Variants in PRIM2 observed in about 807,000 individuals in gnomAD.
The protein encoded by PRIM2 is DNA primase large subunit.
Under a neutral mutation model 67.3 loss-of-function variants are expected in PRIM2, and 39 were observed. The ratio of observed to expected loss-of-function variants is 0.58; its 90% CI spans 0.45 to 0.76. The LOEUF is 0.76. PRIM2 is among the 30% of genes least tolerant of loss of function. PRIM2 has a pLI of 0.00. For synonymous variants in PRIM2, 143 were observed against 198.7 expected, an observed-to-expected ratio of 0.72 and a Z score of 2.36; for missense variants, 398 against 598.7, an observed-to-expected ratio of 0.66 and a Z score of 3.50.
intron 7 of PRIM2, among the ~76,000 whole-genome samples, chr6:57,465,440 G>C (rs1472482818): frequency 1.3e-5 from 2 of 152,152 alleles, no homozygotes; most frequent in Non-Finnish European, 2.9e-5. Context: ...CCAGGGCCCA[G>C]AGTTAGTGGT....
At chr6:57,398,147 G>C (rs1479475920) in intron 7 of PRIM2, among the ~76,000 whole-genome samples, 1 of 151,506 alleles carries the variant, frequency 6.6e-6, no homozygotes, top group Non-Finnish European at 1.5e-5. Flanking sequence ...TTTAGTAGAG[G>C]TGGGGTTTCA....
chr6:57,333,502 T>C (rs1768125159), intron 5 of PRIM2, among the ~76,000 whole-genome samples: 1 of 152,194 alleles, frequency 6.6e-6, no homozygotes, highest in Non-Finnish European at 1.5e-5. Flanking sequence ...TTTTCACTTT[T>C]TTGGGTTGGG....
intron 5 of PRIM2, among the ~76,000 whole-genome samples, chr6:57,353,019 T>C (rs1322855943): frequency 6.6e-6 from 1 of 152,036 alleles, no homozygotes; most frequent in Non-Finnish European, 1.5e-5. Flanking sequence ...TCTATTGATA[T>C]TTTAAAGGTA....
At chr6:57,377,022 G>A (rs62418042) in intron 5 of PRIM2, among the ~76,000 whole-genome samples, 4 of 151,388 alleles carry the variant, frequency 2.6e-5, no homozygotes, top group Non-Finnish European at 4.4e-5. Flanking sequence ...GATTACAGGC[G>A]TGCACCACCA....
intron 7 of PRIM2, among the ~76,000 whole-genome samples, chr6:57,386,546 C>T (rs1770160585): frequency 6.6e-6 from 1 of 151,244 alleles, no homozygotes; most frequent in Admixed American, 6.6e-5. Flanking sequence ...CAGTGACTTG[C>T]TTTCTCCTGG....
chr6:57,285,505 G>A, the PRIM2 span, among the ~76,000 whole-genome samples: 5 of 152,274 alleles, frequency 3.3e-5, no homozygotes, highest in East Asian at 7.7e-4. Context: ...CACAGAAACA[G>A]AACGAATGAC....
At chr6:57,515,535 A>G (rs1554348141) in intron 8 of PRIM2, among the ~76,000 whole-genome samples, 145 of 152,316 alleles carry the variant, frequency 9.5e-4, no homozygotes, top group Admixed American at 2.2e-3. Context: ...GACTTGAAAA[A>G]GGTGGAATTG....
At chr6:57,643,801 C>A (rs1777288384) in intron 13 of PRIM2, among the ~76,000 whole-genome samples, 1 of 152,140 alleles carries the variant, frequency 6.6e-6, no homozygotes, top group Non-Finnish European at 1.5e-5. Context: ...TCTTAATGAT[C>A]TATAACTCTT....
At chr6:57,359,399 G>A (rs1769127246) in intron 5 of PRIM2, among the ~76,000 whole-genome samples, 2 of 152,200 alleles carry the variant, frequency 1.3e-5, no homozygotes, top group African/African-American at 4.8e-5. Context: ...ATACATGAGA[G>A]CAGAGCCATC....
intron 8 of PRIM2, among the ~76,000 whole-genome samples, chr6:57,523,501 T>TC (rs1267491789): frequency 2.6e-5 from 4 of 152,190 alleles, no homozygotes; most frequent in African/African-American, 9.6e-5. Context: ...TTCCACTACT[T>TC]CCTGTTTACT....
chr6:57,627,073 G>A (rs1344151833), intron 12 of PRIM2, among the ~76,000 whole-genome samples: 1 of 151,300 alleles, frequency 6.6e-6, no homozygotes, highest in Non-Finnish European at 1.5e-5. Flanking sequence ...TTGAGGCCAG[G>A]AGTTTAAGAA....
chr6:57,356,493 A>G (rs1352303410), intron 5 of PRIM2, among the ~76,000 whole-genome samples: 1 of 152,198 alleles, frequency 6.6e-6, no homozygotes, highest in East Asian at 1.9e-4. Context: ...TGTGCTACAA[A>G]TATATGTAGA....
At chr6:57,372,814 G>A (rs10949034) in intron 5 of PRIM2, among the ~76,000 whole-genome samples, 7 of 152,270 alleles carry the variant, frequency 4.6e-5, no homozygotes, top group East Asian at 1.9e-4. Context: ...ATAGTATTCC[G>A]TGGTGTATAT....
At chr6:57,566,062 T>G (rs1467545796) in intron 10 of PRIM2, among the ~76,000 whole-genome samples, 1 of 152,160 alleles carries the variant, frequency 6.6e-6, no homozygotes, top group Non-Finnish European at 1.5e-5. Flanking sequence ...TGTTTTTGTT[T>G]TTTTTTCAGC....
At chr6:57,321,962 T>C (rs1239199950) in intron 3 of PRIM2, among the ~76,000 whole-genome samples, 3 of 152,204 alleles carry the variant, frequency 2.0e-5, no homozygotes, top group Non-Finnish European at 4.4e-5. Context: ...AGATAGATTA[T>C]GTAAGATGAA....
At chr6:57,621,341 G>A (rs1168791184) in intron 12 of PRIM2, among the ~76,000 whole-genome samples, 2 of 152,036 alleles carry the variant, frequency 1.3e-5, no homozygotes, top group African/African-American at 2.4e-5. Context: ...TGAGGAATGA[G>A]CCCTCATGGC....
At chr6:57,371,709 A>T (rs1769563396) in intron 5 of PRIM2, among the ~76,000 whole-genome samples, 1 of 152,264 alleles carries the variant, frequency 6.6e-6, no homozygotes, top group Non-Finnish European at 1.5e-5. Context: ...GCTTACTTAA[A>T]AAGCAATGAA....
chr6:57,320,837 T>C lies in PRIM2; in HGVS notation c.258+277T>C, dbSNP rs540095407. ...ACTGTAGGATGCTCAGTAGCATCTCTGGCTTCTACCCCTACATATTTCCAG... is the reference window on the plus strand; with the variant it reads ...ACTGTAGGATGCTCAGTAGCATCTCCGGCTTCTACCCCTACATATTTCCAG... On this transcript the variant is annotated intron_variant, in intron 3 of 13. Coordinates refer to ENST00000615550, the MANE Select transcript of PRIM2 (RefSeq NM_000947.5). 1.1e-4 allele frequency among the ~76,000 whole-genome samples: 17 copies of C among 152,328 alleles called. No homozygotes were observed. The South Asian group carries it at 3.5e-3, about 32-fold the overall frequency.
At chr6:57,592,530 C>A (rs1425082955) in intron 10 of PRIM2, among the ~76,000 whole-genome samples, 1 of 152,148 alleles carries the variant, frequency 6.6e-6, no homozygotes, top group Non-Finnish European at 1.5e-5. Flanking sequence ...CGTGATGGCT[C>A]ACGCCTGTAA....
Sources: allele counts gnomAD v4.1 joint callset (sites outside exome capture counted in the v4.1 genomes callset), GRCh38; gene constraint gnomAD v4.1.1; transcripts MANE v1.5; gene names NCBI Gene and HGNC (gene_info 2026-07-23, HGNC 2026-07-21).